USP28: variants seen among roughly 807,000 people sequenced by gnomAD.
USP28 encodes ubiquitin carboxyl-terminal hydrolase 28.
A neutral mutation model predicts 145.0 loss-of-function variants in USP28; 113 were observed. The observed-to-expected ratio is 0.78, with a 90% CI of 0.67 to 0.91. The LOEUF (loss-of-function observed/expected upper bound fraction) is 0.91, where lower values mean the gene tolerates loss of function less well. Among genes scored for constraint, USP28 ranks in the 40% least tolerant of loss-of-function variants. USP28 has a pLI of 0.00. For missense variants in USP28, 1,201 were observed against 1,289.6 expected (o/e 0.93, Z 1.05); for synonymous variants, 447 against 450.9 (o/e 0.99, Z 0.11).
rs757676332 is a variant in USP28 at position 113,799,241 on chromosome 11, T to C, written c.3233A>G (p.Ter1078=). 9 of 1,612,118 alleles carry C rather than the reference T, an allele frequency of 5.6e-6. No individual in the cohort carries two copies. In the East Asian group the frequency reaches 1.8e-4, roughly 32 times the overall value. Residue 1078 remains the stop codon, a stop_retained_variant, in exon 25 of 25, where the codon TAA becomes TGA. Coordinates refer to ENST00000003302, the Ensembl canonical transcript of USP28. Reference sequence around the variant, plus strand: ...AATGGGCCTTGAACATGTGGGAGCTTATTTCACTGTCACAGTTGAAACTCC... The same window carrying C: ...AATGGGCCTTGAACATGTGGGAGCTCATTTCACTGTCACAGTTGAAACTCC...
chr11:113,817,598 ATAGTT>A (rs1941928523), intron 13 of USP28, 55 bp downstream of exon 13: 1 of 1,555,992 alleles, frequency 6.4e-7, no homozygotes, highest in Non-Finnish European at 8.8e-7. Context: ...AAGATGGTGC[ATAGTT>A]TAAATTATAC....
chr11:113,840,473 C>A, intron 5 of USP28, 125 bp downstream of exon 5: 1 of 1,236,198 alleles, frequency 8.1e-7, no homozygotes, highest in Non-Finnish European at 1.1e-6. Context: ...CACAATAATG[C>A]CAGAAAAACT....
chr11:113,803,428 C>G, intron 22 of USP28, 147 bp from the exon 24 acceptor site: 1 of 942,086 alleles, frequency 1.1e-6, no homozygotes, highest in Non-Finnish European at 1.5e-6. Flanking sequence ...CTCATCTCTT[C>G]TACAAATTGG....
At chr11:113,809,721 A>T (rs979048379) in intron 16 of USP28, among the ~76,000 whole-genome samples, 20 of 152,186 alleles carry the variant, frequency 1.3e-4, no homozygotes, top group African/African-American at 4.8e-4. Context: ...TAAGTGAATG[A>T]ATAACACAGA....
chr11:113,867,101 G>T (rs780839698), intron 1 of USP28, among the ~76,000 whole-genome samples: 5 of 152,222 alleles, frequency 3.3e-5, no homozygotes, highest in Non-Finnish European at 5.9e-5. Context: ...TCTAGAGACA[G>T]AAAGTAGATT....
At chr11:113,845,425 G>A (rs1313890192) in intron 3 of USP28, among the ~76,000 whole-genome samples, 2 of 148,632 alleles carry the variant, frequency 1.3e-5, no homozygotes, top group Non-Finnish European at 3.0e-5. Context: ...GAAAGGTAAA[G>A]ACCCTGTCTC....
At chr11:113,832,750 T>C (rs1219248536) in intron 7 of USP28, among the ~76,000 whole-genome samples, 1 of 149,698 alleles carries the variant, frequency 6.7e-6, no homozygotes, top group African/African-American at 2.5e-5. Context: ...ATGATCTAAT[T>C]AGTGACAGCT....
At chr11:113,831,299 C>G (rs1341553060) in intron 8 of USP28, among the ~76,000 whole-genome samples, 3 of 152,216 alleles carry the variant, frequency 2.0e-5, no homozygotes, top group Non-Finnish European at 4.4e-5. Flanking sequence ...AGAATGAACT[C>G]TGTTGCATAG....
chr11:113,803,724 A>C, intron 22 of USP28, 74 bp downstream of exon 23: 1 of 1,227,840 alleles, frequency 8.1e-7, no homozygotes, highest in Non-Finnish European at 1.2e-6. Context: ...TGTGACTCTT[A>C]GTATTCCCAG....
At chr11:113,826,508 T>C (rs1469666312) in intron 11 of USP28, among the ~76,000 whole-genome samples, 3 of 151,736 alleles carry the variant, frequency 2.0e-5, no homozygotes, top group African/African-American at 7.2e-5. Flanking sequence ...GGTTTTGCCA[T>C]GTTGCCCAGG....
chr11:113,803,161 A>T, exon 23 of USP28: 1 of 1,613,478 alleles, frequency 6.2e-7, no homozygotes, highest in South Asian at 1.1e-5. Context: ...TACAAACCAG[A>T]AGGCATTTTC....
chr11:113,812,183 T>C, intron 16 of USP28, 93 bp downstream of exon 16: 1 of 784,800 alleles, frequency 1.3e-6, no homozygotes, highest in Non-Finnish European at 2.0e-6. Flanking sequence ...TAATAGTAAG[T>C]TGTAAATTTT....
intron 1 of USP28, among the ~76,000 whole-genome samples, chr11:113,865,998 CAAGA>C (rs1441938359): frequency 6.6e-6 from 1 of 152,108 alleles, no homozygotes; most frequent in African/African-American, 2.4e-5. Flanking sequence ...AGAAATCCAA[CAAGA>C]AATATACAGT....
chr11:113,816,427 C>T (rs1366852255), intron 13 of USP28, among the ~76,000 whole-genome samples: 1 of 152,048 alleles, frequency 6.6e-6, no homozygotes, highest in Non-Finnish European at 1.5e-5. Context: ...GCAGGAGAAT[C>T]GCTTGAACCC....
rs776592579 is a variant in USP28 at position 113,803,897 on chromosome 11, A to T, written c.2659-20T>A. 2 of 1,600,758 alleles carry T rather than the reference A, an allele frequency of 1.2e-6. No individual in the cohort carries two copies. The highest frequency in any genetic ancestry group is 2.7e-5 in the African/African-American group (2 of 74,678). The stretch of plus-strand genomic sequence containing the variant: ...CCACTTCTGAAAAAGAATGACGATT[A>T]TTAATAATCATGATCATAATAGATT... On this transcript the variant is annotated intron_variant, in intron 21 of 24. Coordinates refer to ENST00000003302, the Ensembl canonical transcript of USP28.
intron 21 of USP28, 59 bp downstream of exon 22, chr11:113,804,614 G>A: frequency 6.7e-7 from 1 of 1,492,816 alleles, no homozygotes; most frequent in Non-Finnish European, 9.2e-7. Context: ...TTTGCCTCAG[G>A]TACCATTTAC....
chr11:113,842,272 A>AT (rs1491233865), intron 3 of USP28, among the ~76,000 whole-genome samples: 2 of 127,446 alleles, frequency 1.6e-5, no homozygotes, highest in African/African-American at 3.1e-5. Flanking sequence ...CCAATAATAT[A>AT]AAAAAAAAAA....
At chr11:113,816,814 T>C (rs561349199) in intron 13 of USP28, among the ~76,000 whole-genome samples, 5 of 152,144 alleles carry the variant, frequency 3.3e-5, no homozygotes, top group Non-Finnish European at 5.9e-5. Flanking sequence ...TTACAAAAAT[T>C]AAAAAATTTA....
At chr11:113,875,398 G>A in intron 1 of USP28, 47 bp downstream of exon 1, 1 of 1,215,076 alleles carries the variant, frequency 8.2e-7, no homozygotes, top group Non-Finnish European at 1.0e-6. Context: ...GCTCCCCTCA[G>A]GGCCTGGAGC....
Sources: allele counts gnomAD v4.1 joint callset (sites outside exome capture counted in the v4.1 genomes callset), GRCh38; gene constraint gnomAD v4.1.1; transcripts MANE v1.5; gene names NCBI Gene and HGNC (gene_info 2026-07-23, HGNC 2026-07-21).